The following SSU72L3 variants were observed in gnomAD, a reference collection of about 807,000 sequenced individuals.
SSU72L3 encodes the protein RNA polymerase II subunit A C-terminal domain phosphatase SSU72 like protein 3.
At chr11:4,330,367 T>A in the SSU72L3 span, 1,749 of 761,088 alleles carry the variant, frequency 2.3e-3, 18 homozygotes, top group Non-Finnish European at 3.0e-3. Flanking sequence ...TCAGACGACA[T>A]AGAAGACAAT....
the SSU72L3 span, chr11:4,330,364 A>C: frequency 1.3e-6 from 1 of 761,024 alleles, no homozygotes; most frequent in Non-Finnish European, 2.4e-6. Context: ...CAGTCAGACG[A>C]CATAGAAGAC....
chr11:4,329,872 C>T, the SSU72L3 span: 2 of 722,622 alleles, frequency 2.8e-6, no homozygotes, highest in African/African-American at 1.8e-5. Flanking sequence ...ATCATGCTCT[C>T]CTCCCCACTC....
the SSU72L3 span, among the ~76,000 whole-genome samples, chr11:4,330,739 G>A: frequency 3.9e-5 from 6 of 152,270 alleles, no homozygotes; most frequent in South Asian, 2.1e-4. Context: ...CCACCATGAC[G>A]CCATTTTCCA....
the SSU72L3 span, chr11:4,330,591 C>G: frequency 1.8e-6 from 1 of 542,916 alleles, no homozygotes; most frequent in East Asian, 3.0e-5. Flanking sequence ...TGGAAAGAGA[C>G]TATTACCAAG....
the SSU72L3 span, among the ~76,000 whole-genome samples, chr11:4,330,846 A>C: frequency 2.8e-4 from 43 of 151,656 alleles, no homozygotes; most frequent in Middle Eastern, 3.4e-3. Context: ...CACCTTTTAA[A>C]TAAACTTCCT....
the SSU72L3 span, chr11:4,329,893 TG>T: frequency 1.4e-6 from 1 of 727,920 alleles, no homozygotes; most frequent in Admixed American, 1.9e-5. Context: ...AGGGTGGCTG[TG>T]GTGTGCGTGA....
At chr11:4,329,859 A>G in the SSU72L3 span, 1,376 of 695,692 alleles carry the variant, frequency 2.0e-3, 46 homozygotes, top group East Asian at 0.027. Flanking sequence ...CCCAGTGGCC[A>G]CCATCATGCT....
chr11:4,330,297 C>A, the SSU72L3 span: 1 of 759,992 alleles, frequency 1.3e-6, no homozygotes, highest in Admixed American at 1.7e-5. Flanking sequence ...CCAAGATACC[C>A]TGGAAGATGC....
the SSU72L3 span, chr11:4,330,281 G>A: frequency 1.3e-6 from 1 of 758,596 alleles, no homozygotes; most frequent in Non-Finnish European, 2.4e-6. Context: ...TGATCAACAT[G>A]GACATCCAAG....
chr11:4,329,859 A>C, the SSU72L3 span: 1 of 695,868 alleles, frequency 1.4e-6, no homozygotes, highest in Non-Finnish European at 2.6e-6. Flanking sequence ...CCCAGTGGCC[A>C]CCATCATGCT....
chr11:4,330,445 A>C, the SSU72L3 span: 1 of 628,334 alleles, frequency 1.6e-6, no homozygotes. Flanking sequence ...GTCTGCTTCT[A>C]CTGAACATCT....
At chr11:4,330,713 C>G in the SSU72L3 span, among the ~76,000 whole-genome samples, 1 of 152,194 alleles carries the variant, frequency 6.6e-6, no homozygotes, top group Non-Finnish European at 1.5e-5. Context: ...TTATATCATT[C>G]TACAAGGAAG....
chr11:4,329,914 A>G, the SSU72L3 span: 4 of 732,342 alleles, frequency 5.5e-6, no homozygotes, highest in South Asian at 3.1e-5. Flanking sequence ...AGCAATGTCA[A>G]CAGGAGCATG....
At chr11:4,330,427 T>G in the SSU72L3 span, 2 of 687,754 alleles carry the variant, frequency 2.9e-6, no homozygotes, top group East Asian at 2.6e-5. Flanking sequence ...AAAAGCTTTC[T>G]TCACACCGTC....
the SSU72L3 span, chr11:4,330,255 T>A: frequency 1.3e-6 from 1 of 749,782 alleles, no homozygotes; most frequent in Admixed American, 1.8e-5. Context: ...ACAGCAGACC[T>A]TTCAGCCTGT....
At chr11:4,329,886 G>A in the SSU72L3 span, 2 of 725,538 alleles carry the variant, frequency 2.8e-6, no homozygotes, top group South Asian at 1.6e-5. Flanking sequence ...CCCACTCAGG[G>A]TGGCTGTGGT....
At chr11:4,330,134 A>G in the SSU72L3 span, 1 of 750,884 alleles carries the variant, frequency 1.3e-6, no homozygotes, top group Non-Finnish European at 2.5e-6. Context: ...GAAATGAGAG[A>G]ATCAAGCCCG....
the SSU72L3 span, chr11:4,329,938 T>C: frequency 1.4e-6 from 1 of 731,724 alleles, no homozygotes; most frequent in Non-Finnish European, 2.5e-6. Context: ...GCCCACAGCA[T>C]CCTCAGGAGA....
chr11:4,329,878 C>G, the SSU72L3 span: 160 of 724,256 alleles, frequency 2.2e-4, 3 homozygotes, highest in African/African-American at 2.0e-3. Context: ...CTCTCCTCCC[C>G]ACTCAGGGTG....
Sources: gnomAD v4.1 joint callset for allele counts (sites outside exome capture counted in the v4.1 genomes callset) on GRCh38, gnomAD v4.1.1 for gene constraint, MANE v1.5 for transcripts, NCBI Gene and HGNC (gene_info 2026-07-23, HGNC 2026-07-21) for gene names.